The following RIT2 variants were observed in gnomAD, a reference collection of about 807,000 sequenced individuals.
RIT2 encodes Ras like without CAAX 2.
Under a neutral mutation model 23.7 loss-of-function variants are expected in RIT2, and 24 were observed. The observed-to-expected ratio is 1.01, with a 90% CI of 0.73 to 1.43. The LOEUF (loss-of-function observed/expected upper bound fraction) is 1.43, where lower values mean the gene tolerates loss of function less well. Among genes scored for constraint, RIT2 ranks in the 40% most tolerant of loss-of-function variants. The probability of loss-of-function intolerance (pLI) is 0.00; values close to 1 mark genes in which losing one functional copy is unlikely to be tolerated. For synonymous variants in RIT2, 107 were observed against 91.1 expected (o/e 1.17, Z -0.99); for missense variants, 236 against 266.9 (o/e 0.88, Z 0.81).
chr18:43,069,205 C>T (rs1386132066), intron 1 of RIT2, among the ~76,000 whole-genome samples: 1 of 151,960 alleles, frequency 6.6e-6, no homozygotes, highest in African/African-American at 2.4e-5. Flanking sequence ...TTTTTTGTTG[C>T]TGTTGTTTTG....
intron 4 of RIT2, among the ~76,000 whole-genome samples, chr18:42,785,404 T>C (rs893548555): frequency 6.6e-6 from 1 of 152,018 alleles, no homozygotes; most frequent in African/African-American, 2.4e-5. Context: ...TGAGAGATTA[T>C]ATCAGGAATC....
intron 4 of RIT2, among the ~76,000 whole-genome samples, chr18:42,837,147 C>CTCTTTTTTTTTT (rs1906628770): frequency 4.1e-5 from 2 of 48,718 alleles, no homozygotes; most frequent in African/African-American, 1.2e-4. Flanking sequence ...CTTTTTTTTT[C>CTCTTTTTTTTTT]TTTTTCTTTT....
At chr18:42,813,088 G>A (rs1905896887) in intron 4 of RIT2, among the ~76,000 whole-genome samples, 1 of 152,120 alleles carries the variant, frequency 6.6e-6, no homozygotes, top group Non-Finnish European at 1.5e-5. Flanking sequence ...AAGTATAGAA[G>A]AATAGAATTA....
At chr18:43,093,572 T>C (rs1913476045) in intron 1 of RIT2, among the ~76,000 whole-genome samples, 1 of 152,044 alleles carries the variant, frequency 6.6e-6, no homozygotes, top group Non-Finnish European at 1.5e-5. Context: ...AAGTATATGA[T>C]AAGGGAACTA....
chr18:43,018,505 GA>G (rs750758512), intron 2 of RIT2, among the ~76,000 whole-genome samples: 17 of 151,792 alleles, frequency 1.1e-4, no homozygotes, highest in Non-Finnish European at 2.1e-4. Context: ...AAAACAGAGA[GA>G]ATTCATAAAA....
intron 3 of RIT2, among the ~76,000 whole-genome samples, chr18:42,954,489 A>G (rs1909927258): frequency 1.3e-5 from 2 of 152,088 alleles, no homozygotes; most frequent in Admixed American, 6.6e-5. Flanking sequence ...TCCAAAAAAG[A>G]AAATAGAGAG....
chr18:43,076,240 A>G (rs1913010571), intron 1 of RIT2, among the ~76,000 whole-genome samples: 1 of 152,222 alleles, frequency 6.6e-6, no homozygotes, highest in Non-Finnish European at 1.5e-5. Context: ...TGACAAAAAG[A>G]GGGCCATCCC....
At chr18:42,804,446 C>A (rs1374872824) in intron 4 of RIT2, among the ~76,000 whole-genome samples, 1 of 150,984 alleles carries the variant, frequency 6.6e-6, no homozygotes, top group Non-Finnish European at 1.5e-5. Flanking sequence ...TCCCAGCTAC[C>A]TGGGAGGCTG....
intron 4 of RIT2, among the ~76,000 whole-genome samples, chr18:42,768,054 G>A (rs1913467831): frequency 6.6e-6 from 1 of 151,738 alleles, no homozygotes; most frequent in Non-Finnish European, 1.5e-5. Flanking sequence ...ATGTATATAT[G>A]TAGTAATATA....
At chr18:42,898,222 C>T (rs747060625) in intron 4 of RIT2, among the ~76,000 whole-genome samples, 3 of 152,042 alleles carry the variant, frequency 2.0e-5, no homozygotes, top group Non-Finnish European at 2.9e-5. Flanking sequence ...ACCAACATGA[C>T]AAAACCCCAC....
At chr18:42,895,917 A>G (rs1284765524) in intron 4 of RIT2, among the ~76,000 whole-genome samples, 1 of 152,206 alleles carries the variant, frequency 6.6e-6, no homozygotes, top group Non-Finnish European at 1.5e-5. Flanking sequence ...TGGGATAGAA[A>G]CCAGGAAGAT....
At chr18:42,797,911 G>T (rs1313042343) in intron 4 of RIT2, among the ~76,000 whole-genome samples, 3 of 152,100 alleles carry the variant, frequency 2.0e-5, no homozygotes, top group Admixed American at 6.6e-5. Context: ...GACAAATAAA[G>T]GGAAACATGC....
At chr18:42,966,232 A>G (rs1270469813) in intron 3 of RIT2, among the ~76,000 whole-genome samples, 1 of 152,164 alleles carries the variant, frequency 6.6e-6, no homozygotes, top group Non-Finnish European at 1.5e-5. Context: ...CCCAGCAGTA[A>G]TTATAGGATG....
At chr18:42,929,178 A>G (rs1158724537) in intron 3 of RIT2, among the ~76,000 whole-genome samples, 1 of 151,312 alleles carries the variant, frequency 6.6e-6, no homozygotes, top group Non-Finnish European at 1.5e-5. Flanking sequence ...AACATGATCA[A>G]TTATATCACT....
chr18:43,065,924 T>C (rs1420080080), intron 1 of RIT2, among the ~76,000 whole-genome samples: 2 of 152,166 alleles, frequency 1.3e-5, no homozygotes, highest in Admixed American at 1.3e-4. Context: ...TGAGGGTCTG[T>C]TTAGTGAGTA....
intron 2 of RIT2, among the ~76,000 whole-genome samples, chr18:42,993,489 G>C (rs1910903649): frequency 6.6e-6 from 1 of 152,056 alleles, no homozygotes; most frequent in South Asian, 2.1e-4. Context: ...TTCTTTTCAA[G>C]GGCCTGTTTC....
intron 2 of RIT2, among the ~76,000 whole-genome samples, chr18:43,017,424 T>G (rs1249497583): frequency 6.6e-6 from 1 of 151,974 alleles, no homozygotes; most frequent in Non-Finnish European, 1.5e-5. Context: ...ATATAAGTAA[T>G]TTGATTTCAT....
intron 1 of RIT2, among the ~76,000 whole-genome samples, chr18:43,044,106 T>TA (rs1369201534): frequency 6.6e-6 from 1 of 152,110 alleles, no homozygotes; most frequent in Non-Finnish European, 1.5e-5. Context: ...AGGATCTTTT[T>TA]AAAGTCAAGG....
intron 4 of RIT2, among the ~76,000 whole-genome samples, chr18:42,919,871 A>G (rs996549336): frequency 1.3e-5 from 2 of 152,104 alleles, no homozygotes; most frequent in African/African-American, 4.8e-5. Context: ...TCTATTCTCC[A>G]GTGGGAAGAC....
Sources: gnomAD v4.1 joint callset for allele counts (sites outside exome capture counted in the v4.1 genomes callset) on GRCh38, gnomAD v4.1.1 for gene constraint, MANE v1.5 for transcripts, NCBI Gene and HGNC (gene_info 2026-07-23, HGNC 2026-07-21) for gene names.